Variants in PALM2AKAP2 observed in about 807,000 individuals in gnomAD.
PALM2AKAP2 encodes PALM2-AKAP2 fusion protein.
Under a neutral mutation model 71.5 loss-of-function variants are expected in PALM2AKAP2, and 37 were observed. The ratio of observed to expected loss-of-function variants is 0.52; its 90% CI spans 0.40 to 0.68. PALM2AKAP2 has a LOEUF of 0.68. Ranked by LOEUF, PALM2AKAP2 falls within the 30% of genes least tolerant of loss-of-function variation. PALM2AKAP2 has a pLI of 0.00. For missense variants in PALM2AKAP2, 1,224 were observed against 1,191.8 expected (o/e 1.03, Z -0.40); for synonymous variants, 468 against 478.8 (o/e 0.98, Z 0.29).
intron 6 of PALM2AKAP2, among the ~76,000 whole-genome samples, chr9:109,999,047 C>T (rs966624555): frequency 6.6e-6 from 1 of 152,052 alleles, no homozygotes; most frequent in African/African-American, 2.4e-5. Context: ...CTTCAAAGTG[C>T]TCAGGGTCTG....
intron 5 of PALM2AKAP2, among the ~76,000 whole-genome samples, chr9:109,930,607 CT>C: frequency 6.6e-6 from 1 of 152,198 alleles, no homozygotes; most frequent in Non-Finnish European, 1.5e-5. Context: ...ATTGTTCAGA[CT>C]CATTTGCAAG....
intron 1 of PALM2AKAP2, among the ~76,000 whole-genome samples, chr9:109,740,025 A>G (rs756584833): frequency 6.6e-6 from 1 of 152,234 alleles, no homozygotes; most frequent in South Asian, 2.1e-4. Context: ...TCTGTGATTC[A>G]TCTTATTTGC....
intron 3 of PALM2AKAP2, among the ~76,000 whole-genome samples, chr9:109,901,435 C>T (rs1006618666): frequency 6.6e-6 from 1 of 152,204 alleles, no homozygotes; most frequent in Non-Finnish European, 1.5e-5. Flanking sequence ...CACTGAGTCA[C>T]TCTGTCCATT....
chr9:109,832,716 T>TGCCA (rs1207357771), intron 1 of PALM2AKAP2, among the ~76,000 whole-genome samples: 14 of 152,288 alleles, frequency 9.2e-5, no homozygotes, highest in African/African-American at 3.4e-4. Flanking sequence ...CAAAGAACAT[T>TGCCA]ATCAGACCCA....
intron 1 of PALM2AKAP2, among the ~76,000 whole-genome samples, chr9:109,679,836 CT>C (rs1317128190): frequency 1.3e-4 from 20 of 152,056 alleles, no homozygotes; most frequent in African/African-American, 4.8e-4. Flanking sequence ...AGTATATGCT[CT>C]TTGTTATAAG....
upstream of PALM2AKAP2, chr9:109,780,435 T>C (rs1488531522): frequency 1.2e-6 from 2 of 1,612,392 alleles, no homozygotes; most frequent in Admixed American, 1.7e-5. Flanking sequence ...CTTGGGTGAC[T>C]ACAGCGTGTG....
At chr9:109,662,694 G>A (rs552550518) in intron 1 of PALM2AKAP2, among the ~76,000 whole-genome samples, 20 of 152,284 alleles carry the variant, frequency 1.3e-4, no homozygotes, top group Non-Finnish European at 2.9e-4. Context: ...AAATGAGTTA[G>A]GGAGGAGTCC....
At chr9:110,040,703 T>C (rs1225753721) in intron 7 of PALM2AKAP2, among the ~76,000 whole-genome samples, 1 of 152,164 alleles carries the variant, frequency 6.6e-6, no homozygotes, top group African/African-American at 2.4e-5. Flanking sequence ...TCCTGTTTTA[T>C]CCAAAATTGA....
intron 1 of PALM2AKAP2, among the ~76,000 whole-genome samples, chr9:109,663,005 G>A (rs1827422901): frequency 6.6e-6 from 1 of 152,186 alleles, no homozygotes; most frequent in African/African-American, 2.4e-5. Context: ...TGTGGGATTG[G>A]TGCTGATATC....
chr9:109,942,377 C>G (rs765207597), intron 6 of PALM2AKAP2, among the ~76,000 whole-genome samples: 1 of 152,308 alleles, frequency 6.6e-6, no homozygotes, highest in East Asian at 1.9e-4. Flanking sequence ...TGTTGCCAGC[C>G]TCCATGAAAT....
chr9:109,741,928 A>C (rs989215297), intron 1 of PALM2AKAP2, among the ~76,000 whole-genome samples: 1 of 152,144 alleles, frequency 6.6e-6, no homozygotes, highest in African/African-American at 2.4e-5. Context: ...GGGTGTCTTA[A>C]ATTTTCCTCA....
At chr9:109,954,199 T>G (rs34986529) in intron 6 of PALM2AKAP2, among the ~76,000 whole-genome samples, 14,033 of 152,222 alleles carry the variant, frequency 0.092, 805 homozygotes, top group East Asian at 0.16. Context: ...CGTCAGTCTC[T>G]GAAAAAGCAA....
chr9:110,081,838 T>G (rs1834456122), intron 1 of PALM2AKAP2, among the ~76,000 whole-genome samples: 1 of 151,988 alleles, frequency 6.6e-6, no homozygotes, highest in Non-Finnish European at 1.5e-5. Flanking sequence ...ATGTTAGAGA[T>G]TTGGGGTGGG....
At chr9:110,071,797 C>T (rs560747563) in intron 1 of PALM2AKAP2, among the ~76,000 whole-genome samples, 4 of 152,188 alleles carry the variant, frequency 2.6e-5, no homozygotes, top group South Asian at 4.2e-4. Flanking sequence ...TGATAGGAGC[C>T]TGAGGGTGAT....
intron 1 of PALM2AKAP2, among the ~76,000 whole-genome samples, chr9:110,072,919 A>G (rs1834236649): frequency 6.6e-6 from 1 of 152,110 alleles, no homozygotes; most frequent in African/African-American, 2.4e-5. Flanking sequence ...TTTGCACGTG[A>G]CCATTTTGAT....
intron 1 of PALM2AKAP2, among the ~76,000 whole-genome samples, chr9:109,818,523 G>A (rs1040661042): frequency 6.6e-6 from 1 of 152,140 alleles, no homozygotes; most frequent in African/African-American, 2.4e-5. Flanking sequence ...TGATGCTTCT[G>A]TATCTGTATT....
At chr9:109,690,257 G>C (rs576734220) in intron 1 of PALM2AKAP2, among the ~76,000 whole-genome samples, 1 of 152,218 alleles carries the variant, frequency 6.6e-6, no homozygotes, top group South Asian at 2.1e-4. Context: ...TCTAATAGTT[G>C]GTATAGATCT....
chr9:109,691,130 G>T (rs1827876909), intron 1 of PALM2AKAP2, among the ~76,000 whole-genome samples: 4 of 151,478 alleles, frequency 2.6e-5, no homozygotes, highest in Admixed American at 6.6e-5. Flanking sequence ...TTTCAAAAGT[G>T]CTTCGATCTC....
intron 1 of PALM2AKAP2, among the ~76,000 whole-genome samples, chr9:109,801,406 A>T (rs1827425914): frequency 6.6e-6 from 1 of 152,262 alleles, no homozygotes; most frequent in African/African-American, 2.4e-5. Flanking sequence ...AGAAAGGTGG[A>T]TTCCAGATGA....
Sources: gnomAD v4.1 joint callset for allele counts (sites outside exome capture counted in the v4.1 genomes callset) on GRCh38, gnomAD v4.1.1 for gene constraint, MANE v1.5 for transcripts, NCBI Gene and HGNC (gene_info 2026-07-23, HGNC 2026-07-21) for gene names.